The following NACC1 variants were observed in gnomAD, a reference collection of about 807,000 sequenced individuals.
NACC1 encodes the protein nucleus accumbens-associated protein 1.
In NACC1, 6 loss-of-function variants were observed where a neutral mutation model predicts 41.7. The observed-to-expected ratio is 0.14, with a 90% CI of 0.08 to 0.28. The LOEUF (loss-of-function observed/expected upper bound fraction) is 0.28. Among genes scored for constraint, NACC1 ranks in the 10% least tolerant of loss-of-function variants. NACC1 has a pLI of 1.00. For synonymous variants in NACC1, 338 were observed against 330.6 expected, an observed-to-expected ratio of 1.02 and a Z score of -0.24; for missense variants, 434 against 763.7, an observed-to-expected ratio of 0.57 and a Z score of 5.09.
At chr19:13,130,535 CTTT>C (rs34032574) in intron 1 of NACC1, among the ~76,000 whole-genome samples, 7 of 128,610 alleles carry the variant, frequency 5.4e-5, no homozygotes, top group Admixed American at 7.9e-5. Context: ...TTTTTCTTTT[CTTT>C]TTTTTTTTTT....
chr19:13,133,192 T>G (rs2019654521), intron 1 of NACC1, among the ~76,000 whole-genome samples: 2 of 152,080 alleles, frequency 1.3e-5, no homozygotes. Flanking sequence ...CTGGAGTGTC[T>G]GGAAAGATCT....
intron 1 of NACC1, among the ~76,000 whole-genome samples, chr19:13,119,896 G>A (rs1019886191): frequency 6.6e-6 from 1 of 152,186 alleles, no homozygotes; most frequent in African/African-American, 2.4e-5. Context: ...GGGTCCAGAC[G>A]AGGAAGCTGA....
At chr19:13,129,682 C>T (rs1830857903) in intron 1 of NACC1, among the ~76,000 whole-genome samples, 1 of 152,188 alleles carries the variant, frequency 6.6e-6, no homozygotes, top group Admixed American at 6.5e-5. Flanking sequence ...AATTGCTAAT[C>T]AAAGGCTCCA....
chr19:13,121,765 G>A (rs559976978), intron 1 of NACC1, among the ~76,000 whole-genome samples: 155 of 152,262 alleles, frequency 1.0e-3, no homozygotes, highest in Non-Finnish European at 2.0e-3. Context: ...GCCACTCTGC[G>A]TCCTCAGATC....
chr19:13,135,929 A>T lies in NACC1; in HGVS notation c.722A>T (p.Gln241Leu). Reference protein sequence around the residue: ...AQPAVAAGAGQPAGGVAAAGG... With the variant: ...AQPAVAAGAGLPAGGVAAAGG... Reference sequence around the variant, plus strand: ...CCCGCCGTGGCTGCGGGAGCAGGGCAGCCAGCCGGTGGGGTGGCAGCAGCA... The same window carrying T: ...CCCGCCGTGGCTGCGGGAGCAGGGCTGCCAGCCGGTGGGGTGGCAGCAGCA... The change falls in exon 2 of 6, where the codon CAG (glutamine) becomes CTG (leucine). Residue 241 changes from glutamine to leucine, a missense_variant. By Grantham distance (113) the Gln-to-Leu change is moderately radical. Around this residue, in one of 4 missense-constraint regions of NACC1, gnomAD observed 234 missense variants for 308.3 expected, o/e 0.76. Transcript: ENST00000292431. The T allele has an allele frequency of 6.3e-7, 1 of 1,582,654 alleles. No homozygotes were observed. The highest frequency in any genetic ancestry group is 8.6e-7 in the Non-Finnish European group (1 of 1,166,130).
At chr19:13,125,291 G>A (rs557861654) in intron 1 of NACC1, among the ~76,000 whole-genome samples, 1 of 152,254 alleles carries the variant, frequency 6.6e-6, no homozygotes, top group Non-Finnish European at 1.5e-5. Flanking sequence ...CTCATAGATA[G>A]CACCTTTTAG....
intron 1 of NACC1, chr19:13,132,217 A>T (rs1039988235): frequency 1.3e-5 from 2 of 151,456 alleles, no homozygotes; most frequent in Admixed American, 6.6e-5. Flanking sequence ...GTAGTTCAAG[A>T]CCAGCCTGGC....
At chr19:13,121,996 C>T (rs1367021705) in intron 1 of NACC1, among the ~76,000 whole-genome samples, 7 of 152,168 alleles carry the variant, frequency 4.6e-5, no homozygotes, top group Non-Finnish European at 1.0e-4. Flanking sequence ...TGCATTTGCT[C>T]CTCAGTCCTC....
At chr19:13,121,386 T>C (rs1429194842) in intron 1 of NACC1, among the ~76,000 whole-genome samples, 2 of 152,164 alleles carry the variant, frequency 1.3e-5, no homozygotes, top group African/African-American at 2.4e-5. Flanking sequence ...AGTGAAGCCC[T>C]GTCTCTGGGT....
At chr19:13,130,403 T>TAC (rs2019618837) in intron 1 of NACC1, among the ~76,000 whole-genome samples, 3 of 151,748 alleles carry the variant, frequency 2.0e-5, no homozygotes, top group Admixed American at 6.6e-5. Context: ...TTAACACATT[T>TAC]ACAAATATTT....
At chr19:13,130,112 T>A (rs1248236548) in intron 1 of NACC1, among the ~76,000 whole-genome samples, 2 of 152,156 alleles carry the variant, frequency 1.3e-5, no homozygotes, top group East Asian at 3.9e-4. Context: ...GGTCTCGCTC[T>A]ATGACCCAGG....
rs1310838259 is a variant in NACC1 at position 13,137,963 on chromosome 19, C to A, written c.1325-184C>A. On this transcript the variant is annotated intron_variant, in intron 5 of 5. Transcript: ENST00000292431. This position sits in a 1 kb window ranked among gnomAD's most constrained non-coding sequence, Gnocchi z 6.1. Reference sequence around the variant, plus strand: ...GGCCATCCCATCAAAACCAACACATCCCCACACATGGCTGAACTCAGTCCG... The same window carrying A: ...GGCCATCCCATCAAAACCAACACATACCCACACATGGCTGAACTCAGTCCG... Among the ~76,000 whole-genome samples, 3 of 152,234 alleles carry A rather than the reference C, an allele frequency of 2.0e-5. No individual in the cohort carries two copies. The highest frequency in any genetic ancestry group is 4.4e-5 in the Non-Finnish European group (3 of 68,048).
At position 13,137,157 on chromosome 19, in the gene NACC1, G is replaced by A; in HGVS notation, c.1121-114G>A. The A allele has an allele frequency of 9.8e-7, 1 of 1,020,612 alleles. No homozygotes were observed. Among genetic ancestry groups the A allele is most frequent in the Non-Finnish European group, 1.5e-6 (1 of 674,266 alleles). The allele number at this position is 1,020,612 out of a possible 1,614,324, so 63.2% of individuals were successfully genotyped here. ...AGAAGGTCCCTGGGTGAGTTTTCTTGGGACCCAGAGCCCAGCAGGGAGGGC... is the reference window on the plus strand; with the variant it reads ...AGAAGGTCCCTGGGTGAGTTTTCTTAGGACCCAGAGCCCAGCAGGGAGGGC... On this transcript the variant is annotated intron_variant, in intron 3 of 5. Transcript: ENST00000292431. This position sits in a 1 kb window ranked among gnomAD's most constrained non-coding sequence, Gnocchi z 6.1.
In NACC1 at chr19:13,135,304, T is replaced by G. The variant is rs1373682154; in HGVS notation, c.97T>G (p.Ser33Ala). 6.2e-7 allele frequency: 1 copy of G among 1,613,818 alleles called. No individual in the cohort carries two copies. The highest frequency in any genetic ancestry group is 1.7e-5 in the Admixed American group (1 of 60,030). ...QRLQGLYCDV[S>A]VVVKGHAFKA... Reference sequence around the variant, plus strand: ...GCTGCAGGGCCTGTACTGTGACGTGTCAGTGGTGGTCAAGGGCCATGCCTT... The same window carrying G: ...GCTGCAGGGCCTGTACTGTGACGTGGCAGTGGTGGTCAAGGGCCATGCCTT... Residue 33 changes from serine (S) to alanine (A), a missense_variant, in exon 2 of 6, where the codon TCA becomes GCA. Around this residue, in one of 4 missense-constraint regions of NACC1, gnomAD observed 67 missense variants for 180.1 expected, o/e 0.37. Transcript: ENST00000292431.
upstream of NACC1, chr19:13,117,540 T>C (rs1234683100): frequency 6.6e-6 from 1 of 151,766 alleles, no homozygotes; most frequent in Non-Finnish European, 1.5e-5. Context: ...CATTTCTCTG[T>C]GCCTCCTTTT....
At position 13,137,846 on chromosome 19, in the gene NACC1, T is replaced by G. The variant is rs979351291; in HGVS notation, c.1324+271T>G. Among the ~76,000 whole-genome samples, 1 of 152,190 alleles carries G rather than the reference T, an allele frequency of 6.6e-6. No individual in the cohort carries two copies. The highest frequency in any genetic ancestry group is 1.5e-5 in the Non-Finnish European group (1 of 68,034). ...GAGGGATGAGGCAGCCAGACAGTGC[T>G]AGCCACTCGTCATGGGGGGCATCTA... On this transcript the variant is annotated intron_variant, in intron 5 of 5. Transcript: ENST00000292431. This position sits in a 1 kb window ranked among gnomAD's most constrained non-coding sequence, Gnocchi z 6.1.
chr19:13,118,670 C>T (rs900052995), intron 1 of NACC1, among the ~76,000 whole-genome samples: 2 of 150,966 alleles, frequency 1.3e-5, no homozygotes, highest in African/African-American at 4.9e-5. Flanking sequence ...CAGGATCGTA[C>T]CTGGACCGCT....
chr19:13,133,366 AAG>A (rs1407178388), intron 1 of NACC1, among the ~76,000 whole-genome samples: 3 of 151,652 alleles, frequency 2.0e-5, no homozygotes, highest in South Asian at 4.2e-4. Context: ...AAAAAAAAAA[AAG>A]AAAAAAGAAT....
At chr19:13,127,372 T>C (rs1415183246) in intron 1 of NACC1, among the ~76,000 whole-genome samples, 3 of 21,440 alleles carry the variant, frequency 1.4e-4, no homozygotes, top group Non-Finnish European at 3.4e-4. Context: ...ATACATATAC[T>C]TTTTTTTTTT....
Sources: allele counts gnomAD v4.1 joint callset (sites outside exome capture counted in the v4.1 genomes callset), GRCh38; gene constraint gnomAD v4.1.1; regional missense constraint gnomAD v4.1.1; non-coding constraint Gnocchi (gnomAD v3.1); transcripts MANE v1.5; gene names NCBI Gene and HGNC (gene_info 2026-07-23, HGNC 2026-07-21).